Variants in HDAC3 observed in about 807,000 individuals in gnomAD.
The protein encoded by HDAC3 is SMAP45.
In HDAC3, 21 loss-of-function variants were observed where a neutral mutation model predicts 62.3. The observed-to-expected ratio is 0.34, with a 90% CI of 0.24 to 0.49. The LOEUF is 0.49. HDAC3 is among the 20% of genes least tolerant of loss of function. The pLI, the probability that HDAC3 is intolerant of heterozygous loss-of-function variation, is 0.99. For synonymous variants in HDAC3, 198 were observed against 206.5 expected, an observed-to-expected ratio of 0.96 and a Z score of 0.35; for missense variants, 270 against 556.9, an observed-to-expected ratio of 0.48 and a Z score of 5.19.
At chr5:141,632,893 C>T (rs1469733451) in intron 3 of HDAC3, among the ~76,000 whole-genome samples, 1 of 152,218 alleles carries the variant, frequency 6.6e-6, no homozygotes, top group African/African-American at 2.4e-5. Context: ...CTCTATCCTA[C>T]AGCCCTGGCT....
intron 14 of HDAC3, among the ~76,000 whole-genome samples, chr5:141,624,674 C>T (rs967971287): frequency 5.3e-5 from 8 of 151,854 alleles, no homozygotes; most frequent in Non-Finnish European, 1.2e-4. Flanking sequence ...GGGTTCATTG[C>T]CACATTATTA....
Position 141,629,454 on chromosome 5 carries a change from G to T in HDAC3, c.477-148C>A. 8.8e-7 allele frequency: 1 copy of T among 1,134,014 alleles called. No homozygotes were observed. Among genetic ancestry groups the T allele is most frequent in the Non-Finnish European group, 1.3e-6 (1 of 786,052 alleles). The allele number at this position is 1,134,014 out of a possible 1,614,324, so 70.2% of individuals were successfully genotyped here. On this transcript the variant is annotated intron_variant, in intron 6 of 14. Coordinates refer to ENST00000305264, the MANE Select transcript of HDAC3 (RefSeq NM_003883.4). This position sits in a 1 kb window ranked among gnomAD's most constrained non-coding sequence, Gnocchi z 5.3. ...ACCAGTTCCCTAAAGGCAACTGGGG[G>T]CTCCAGCCTAGAGGCTAGAGGCAGG...
rs190744151 is a variant in HDAC3 at position 141,629,351 on chromosome 5, C to G, written c.477-45G>C. 1 of 1,612,008 alleles carries G rather than the reference C, an allele frequency of 6.2e-7. No individual in the cohort carries two copies. Among genetic ancestry groups the G allele is most frequent in the South Asian group, 1.1e-5 (1 of 90,976 alleles). ...AGGGTCTGAGCTAGAAGTGAACCCC[C>G]CAACCCACTCCTCTCAAACACCGGG... is the stretch of plus-strand genomic sequence containing the variant. On this transcript the variant is annotated intron_variant, in intron 6 of 14. Transcript: ENST00000305264. This position sits in a 1 kb window ranked among gnomAD's most constrained non-coding sequence, Gnocchi z 5.3.
Position 141,626,453 on chromosome 5 carries a change from CTG to C in HDAC3, c.831-172_831-171del. On this transcript the variant is annotated intron_variant, in intron 10 of 14. Coordinates refer to ENST00000305264, the MANE Select transcript of HDAC3 (RefSeq NM_003883.4). This position sits in a 1 kb window ranked among gnomAD's most constrained non-coding sequence, Gnocchi z 4.6. ...TTAAGATTTGGGTATACTTTATATGCTGTGTCTCAATAAAAATTTTAAAATAA... is the reference window on the plus strand; with the variant it reads ...TTAAGATTTGGGTATACTTTATATGCTGTCTCAATAAAAATTTTAAAATAA... 3 of 620,544 alleles carry C rather than the reference CTG, an allele frequency of 4.8e-6. No homozygotes were observed. Among genetic ancestry groups the C allele is most frequent in the Non-Finnish European group, 8.6e-6 (3 of 350,818 alleles). 38.4% of individuals were successfully genotyped at this position (620,544 alleles called of 1,614,324 possible).
rs1459487047 is a variant in HDAC3 at position 141,621,381 on chromosome 5, C to A, written c.*87G>T. The A allele has an allele frequency of 3.0e-5, 38 of 1,264,570 alleles. No individual in the cohort carries two copies. The Admixed American group carries it at 6.0e-4, about 20-fold the overall frequency. 78.3% of individuals were successfully genotyped at this position (1,264,570 alleles called of 1,614,324 possible). On this transcript the variant is annotated 3_prime_UTR_variant, in exon 15 of 15. Transcript: ENST00000305264. The stretch of plus-strand genomic sequence containing the variant: ...GTCAGCAAAAGCCCTGGGGTGACCC[C>A]CAGGACTCTAGGAGCCACTCCTTTT...
intron 2 of HDAC3, 57 bp downstream of exon 2, chr5:141,636,491 C>G (rs2099906026): frequency 6.6e-7 from 1 of 1,509,346 alleles, no homozygotes; most frequent in Non-Finnish European, 9.2e-7. Context: ...GCCCACCTAT[C>G]CCTACGGCCA....
intron 3 of HDAC3, 83 bp from the exon 4 acceptor site, chr5:141,630,208 C>A: frequency 7.8e-7 from 1 of 1,279,578 alleles, no homozygotes; most frequent in Admixed American, 1.7e-5. Flanking sequence ...TAGATTCCTC[C>A]AATCTCCATT....
At position 141,625,933 on chromosome 5, in the gene HDAC3, A is replaced by G; in HGVS notation, c.979+80T>C. 1 of 1,403,260 alleles carries G rather than the reference A, an allele frequency of 7.1e-7. No individual in the cohort carries two copies. Among genetic ancestry groups the G allele is most frequent in the East Asian group, 2.3e-5 (1 of 43,886 alleles). The allele number at this position is 1,403,260 out of a possible 1,614,324, so 86.9% of individuals were successfully genotyped here. On this transcript the variant is annotated intron_variant, in intron 12 of 14. Coordinates refer to ENST00000305264, the MANE Select transcript of HDAC3 (RefSeq NM_003883.4). This position sits in a 1 kb window ranked among gnomAD's most constrained non-coding sequence, Gnocchi z 4.0. ...GAGCTCTGAGAGTGTAAAATTTCCC[A>G]TGTGCCTTCAAACCAGGTCATTCTG...
chr5:141,627,817 C>A, intron 10 of HDAC3, 76 bp downstream of exon 10: 1 of 1,294,310 alleles, frequency 7.7e-7, no homozygotes, highest in Non-Finnish European at 1.1e-6. Context: ...GGCCCATTCC[C>A]CAACTACCCC....
Position 141,629,641 on chromosome 5 carries a change from C to G in HDAC3, c.476+43G>C. ...GTTGAGACTGAGAGACCTCCTCAGC[C>G]AAGAATCCCGTAACTGCCCCCATCT... On this transcript the variant is annotated intron_variant, in intron 6 of 14. Transcript: ENST00000305264. The surrounding 1 kb of genome is among the most constrained non-coding windows in gnomAD (Gnocchi z 5.3). The G allele has an allele frequency of 6.2e-7, 1 of 1,600,764 alleles. No homozygotes were observed. Among genetic ancestry groups the G allele is most frequent in the South Asian group, 1.1e-5 (1 of 90,744 alleles).
Position 141,636,634 on chromosome 5 carries a change from G to A in HDAC3, c.56-4C>T, listed in dbSNP as rs752222484. ...GGCTTCATAGGGTGTCCAGCTCCTG[G>A]GGGTGGGGAGAAGAGAGTTCGTCAG... is the stretch of plus-strand genomic sequence containing the variant. On this transcript the variant is annotated splice_region_variant and splice_polypyrimidine_tract_variant and intron_variant, in intron 1 of 14. Coordinates refer to ENST00000305264, the MANE Select transcript of HDAC3 (RefSeq NM_003883.4). 1 of 1,614,118 alleles carries A rather than the reference G, an allele frequency of 6.2e-7. No individual in the cohort carries two copies.
intron 2 of HDAC3, chr5:141,636,210 C>T (rs2099905971): frequency 3.1e-6 from 1 of 324,736 alleles, no homozygotes; most frequent in South Asian, 4.3e-5. Flanking sequence ...GCTCCCCTAA[C>T]CCTAATTCCT....
At chr5:141,624,356 A>G (rs1221143178) in intron 14 of HDAC3, among the ~76,000 whole-genome samples, 1 of 134,718 alleles carries the variant, frequency 7.4e-6, no homozygotes, top group Non-Finnish European at 1.6e-5. Context: ...GCAACAAGGC[A>G]AGACTCCGTC....
chr5:141,622,830 C>T (rs1487322353), intron 14 of HDAC3, among the ~76,000 whole-genome samples: 1 of 151,914 alleles, frequency 6.6e-6, no homozygotes, highest in Non-Finnish European at 1.5e-5. Flanking sequence ...TTACTTAAGT[C>T]TCGCCGGGGG....
chr5:141,636,800 GGGAGCAGGCCCCGC>G lies in HDAC3; in HGVS notation c.-24_-11del. 1 of 1,599,890 alleles carries G rather than the reference GGGAGCAGGCCCCGC, an allele frequency of 6.3e-7. No individual in the cohort carries two copies. On this transcript the variant is annotated 5_prime_UTR_variant, in exon 1 of 15. Coordinates refer to ENST00000305264, the MANE Select transcript of HDAC3 (RefSeq NM_003883.4). ...CCACGGTCTTGGCCATGGTGCCGGCGGGAGCAGGCCCCGCACCTCCGCCGCCCGCCGCCCGCGGC... is the reference window on the plus strand; with the variant it reads ...CCACGGTCTTGGCCATGGTGCCGGCGACCTCCGCCGCCCGCCGCCCGCGGC...
Position 141,628,751 on chromosome 5 carries a change from T to C in HDAC3, c.611-112A>G. The stretch of plus-strand genomic sequence containing the variant: ...TCATTCCATCTATGTAGCTTCACCA[T>C]AAACTCCCTAGAGCCACTAAATCTC... On this transcript the variant is annotated intron_variant, in intron 7 of 14. Coordinates refer to ENST00000305264, the MANE Select transcript of HDAC3 (RefSeq NM_003883.4). This position sits in a 1 kb window ranked among gnomAD's most constrained non-coding sequence, Gnocchi z 4.7. 2 of 737,722 alleles carry C rather than the reference T, an allele frequency of 2.7e-6. No homozygotes were observed. Among genetic ancestry groups the C allele is most frequent in the Admixed American group, 2.7e-5 (1 of 37,566 alleles). 45.7% of individuals were successfully genotyped at this position (737,722 alleles called of 1,614,324 possible). A position where few individuals can be genotyped will look rare whatever the true frequency, so the allele number is the denominator to read the frequency against.
At chr5:141,630,535 T>C (rs573973278) in intron 3 of HDAC3, among the ~76,000 whole-genome samples, 1 of 152,338 alleles carries the variant, frequency 6.6e-6, no homozygotes, top group South Asian at 2.1e-4. Context: ...AAGAACTGTA[T>C]ACCTACATAT....
At position 141,626,624 on chromosome 5, in the gene HDAC3, T is replaced by A; in HGVS notation, c.831-341A>T. 3.4e-6 allele frequency: 1 copy of A among 295,596 alleles called. No homozygotes were observed. Among genetic ancestry groups the A allele is most frequent in the South Asian group, 3.5e-5 (1 of 28,432 alleles). 18.3% of individuals were successfully genotyped at this position (295,596 alleles called of 1,614,324 possible). On this transcript the variant is annotated intron_variant, in intron 10 of 14. Transcript: ENST00000305264. The surrounding 1 kb of genome is among the most constrained non-coding windows in gnomAD (Gnocchi z 4.6). ...CGCGGTGCTCACGCCTTTGTAGTAG[T>A]CCCAGCTACTCAGGAGGCTGAGGCA... is the stretch of plus-strand genomic sequence containing the variant.
chr5:141,632,020 ATTTT>A (rs376573720), intron 3 of HDAC3, among the ~76,000 whole-genome samples: 1 of 136,958 alleles, frequency 7.3e-6, no homozygotes, highest in Admixed American at 7.3e-5. Context: ...GAGGTCTGGA[ATTTT>A]TTTTTTTTTT....
Sources: allele counts gnomAD v4.1 joint callset (sites outside exome capture counted in the v4.1 genomes callset), GRCh38; gene constraint gnomAD v4.1.1; non-coding constraint Gnocchi (gnomAD v3.1); transcripts MANE v1.5; gene names NCBI Gene and HGNC (gene_info 2026-07-23, HGNC 2026-07-21).